Variants in C11orf16 observed in about 807,000 individuals in gnomAD.
C11orf16 encodes the protein uncharacterized protein C11orf16.
C11orf16 carries 38 observed loss-of-function variants against 45.1 expected under a neutral mutation model. The observed-to-expected ratio is 0.84, with a 90% CI of 0.65 to 1.10. The LOEUF is 1.10. C11orf16 is among the 50% of genes least tolerant of loss of function. The pLI, the probability that C11orf16 is intolerant of heterozygous loss-of-function variation, is 0.00. For synonymous variants in C11orf16, 221 were observed against 222.0 expected (o/e 1.00, Z 0.04); for missense variants, 583 against 569.5 (o/e 1.02, Z -0.24).
In C11orf16 at chr11:8,922,947, A is replaced by G. The variant is rs748950912; in HGVS notation, c.1205-1432T>C. On this transcript the variant is annotated intron_variant, in intron 5 of 6. Transcript: ENST00000326053. ...ACCCCCTCTCGGGCATGCTCTCCAT[A>G]TATTTGGGAACATACTGATGATGCT... 9.2e-5 allele frequency among the ~76,000 whole-genome samples: 14 copies of G among 152,098 alleles called. 1 individual carries two copies. Among genetic ancestry groups the G allele is most frequent in the South Asian group, 6.2e-4 (3 of 4,822 alleles).
chr11:8,927,500 T>C (rs2064622661), intron 3 of C11orf16: 1 of 427,376 alleles, frequency 2.3e-6, no homozygotes, highest in Non-Finnish European at 4.6e-6. Flanking sequence ...TGCCAGGAGT[T>C]ACCTGGGTCC....
At chr11:8,930,424 CAAAAAAAA>C (rs11303185) in intron 2 of C11orf16, among the ~76,000 whole-genome samples, 2 of 58,370 alleles carry the variant, frequency 3.4e-5, no homozygotes, top group African/African-American at 7.1e-5. Flanking sequence ...GACTCTGTCT[CAAAAAAAA>C]AAAAAAAAAA....
At chr11:8,928,376 C>T (rs922247687) in intron 3 of C11orf16, among the ~76,000 whole-genome samples, 5 of 152,036 alleles carry the variant, frequency 3.3e-5, no homozygotes, top group African/African-American at 1.2e-4. Flanking sequence ...CCCAGCATGG[C>T]GAGAGTGTGC....
At chr11:8,929,730 G>A (rs1434188041) in intron 2 of C11orf16, among the ~76,000 whole-genome samples, 197 bp from the exon 3 acceptor site, 1 of 152,250 alleles carries the variant, frequency 6.6e-6, no homozygotes, top group African/African-American at 2.4e-5. Flanking sequence ...AGAGGACAGT[G>A]AAGGGAACCA....
intron 3 of C11orf16, 129 bp downstream of exon 3, chr11:8,929,248 A>T (rs1421542000): frequency 5.2e-6 from 5 of 968,818 alleles, no homozygotes; most frequent in Admixed American, 2.8e-5. Flanking sequence ...TCACTTCTAC[A>T]ACATGGCCAT....
intron 4 of C11orf16, 38 bp from the exon 5 acceptor site, chr11:8,926,145 C>G: frequency 6.9e-7 from 1 of 1,440,442 alleles, no homozygotes. Context: ...GTTATAATTA[C>G]CAATTATCTC....
chr11:8,932,056 T>C (rs1287405900), intron 2 of C11orf16, 86 bp downstream of exon 2: 45 of 1,365,792 alleles, frequency 3.3e-5, no homozygotes, highest in Non-Finnish European at 4.3e-5. Flanking sequence ...GAAGCAAGTC[T>C]GTCCACCAAG....
rs1210624222 is a variant in C11orf16, at chr11:8,927,719, G to T, written c.325-545C>A. 8.8e-6 allele frequency: 4 copies of T among 454,320 alleles called. No homozygotes were observed. The Admixed American group carries it at 9.4e-5, about 11-fold the overall frequency. The allele number at this position is 454,320 out of a possible 1,614,324, so 28.1% of individuals were successfully genotyped here. A position where few individuals can be genotyped will look rare whatever the true frequency, so the allele number is the denominator to read the frequency against. On this transcript the variant is annotated intron_variant, in intron 3 of 6. Coordinates refer to ENST00000326053, the MANE Select transcript of C11orf16 (RefSeq NM_020643.3). ...CGAGGAAAGGGTTAGCTAAGCAAAT[G>T]AATAGCAAAAGTGAGAGAACAGTGC...
chr11:8,929,415 C>T lies in C11orf16; in HGVS notation c.286G>A (p.Gly96Ser). Residue 96 changes from glycine (G) to serine (S), a missense_variant, in exon 3 of 7, where the codon GGT becomes AGT. Gly to Ser is a moderately conservative substitution (Grantham distance 56, BLOSUM62 0). Coordinates refer to ENST00000326053, the MANE Select transcript of C11orf16 (RefSeq NM_020643.3). ...TWVLARREAD[G>S]FYYRAQIKAT... ...TTTATTTGGGCCCGGTAGTAAAAAC[C>T]ATCTGCTTCCCTTCTTGCTAGGACC... is the stretch of plus-strand genomic sequence containing the variant. 6.2e-7 allele frequency: 1 copy of T among 1,614,092 alleles called. No homozygotes were observed. The highest frequency in any genetic ancestry group is 8.5e-7 in the Non-Finnish European group (1 of 1,180,006).
At chr11:8,927,529 A>C in intron 3 of C11orf16, 2 of 447,664 alleles carry the variant, frequency 4.5e-6, no homozygotes, top group Non-Finnish European at 4.5e-6. Flanking sequence ...CCTTTTCTCA[A>C]TGCAATCTCC....
intron 3 of C11orf16, chr11:8,927,670 C>T (rs1223684517): frequency 2.2e-6 from 1 of 456,490 alleles, no homozygotes. Flanking sequence ...ACAGAGCTGC[C>T]CTCAGCACTG....
At chr11:8,920,985 G>A (rs1426207224) in intron 6 of C11orf16, among the ~76,000 whole-genome samples, 1 of 152,072 alleles carries the variant, frequency 6.6e-6, no homozygotes, top group Admixed American at 6.5e-5. Flanking sequence ...TAAAGTTTAA[G>A]TAGGGCTATA....
chr11:8,925,444 G>A lies in C11orf16; in HGVS notation c.1204+19C>T, dbSNP rs1203929192. On this transcript the variant is annotated intron_variant, in intron 5 of 6. Coordinates refer to ENST00000326053, the MANE Select transcript of C11orf16 (RefSeq NM_020643.3). ...CCCCAGCCCCTGCCTTAGAAAGCAA[G>A]CCCACTCCCCTGGTATACCTGGCTT... 6.2e-7 allele frequency: 1 copy of A among 1,601,074 alleles called. No homozygotes were observed. The highest frequency in any genetic ancestry group is 1.1e-5 in the South Asian group (1 of 90,092).
chr11:8,921,648 C>G, intron 5 of C11orf16, 133 bp from the exon 6 acceptor site: 1 of 875,416 alleles, frequency 1.1e-6, no homozygotes, highest in Non-Finnish European at 1.8e-6. Flanking sequence ...GTATTTGAGA[C>G]AGGGTCTTGC....
At position 8,922,310 on chromosome 11, in the gene C11orf16, C is replaced by T. The variant is rs558424116; in HGVS notation, c.1205-795G>A. The stretch of plus-strand genomic sequence containing the variant: ...ATTGCTTGAGCCCAGGAGTTTGAGG[C>T]TGCAGTGAGCTATGATCGTGCCACT... On this transcript the variant is annotated intron_variant, in intron 5 of 6. Transcript: ENST00000326053. 5.9e-5 allele frequency among the ~76,000 whole-genome samples: 9 copies of T among 152,170 alleles called. No individual in the cohort carries two copies. In the South Asian group the frequency reaches 6.2e-4, roughly 11 times the overall value.
intron 3 of C11orf16, 186 bp from the exon 4 acceptor site, chr11:8,927,360 T>A (rs981256998): frequency 1.7e-6 from 1 of 602,996 alleles, no homozygotes; most frequent in Admixed American, 2.8e-5. Flanking sequence ...GCAGGCTGTG[T>A]GGCACGGTTG....
At chr11:8,924,062 A>T (rs1376916872) in intron 5 of C11orf16, among the ~76,000 whole-genome samples, 7 of 152,004 alleles carry the variant, frequency 4.6e-5, no homozygotes, top group Admixed American at 4.6e-4. Flanking sequence ...CCTATGAGAG[A>T]TAGGGGAAAA....
At chr11:8,923,060 A>G (rs904729749) in intron 5 of C11orf16, among the ~76,000 whole-genome samples, 1 of 152,260 alleles carries the variant, frequency 6.6e-6, no homozygotes, top group Non-Finnish European at 1.5e-5. Flanking sequence ...TGAAGATACT[A>G]TAGTTATCTT....
chr11:8,931,323 A>G (rs1335172950), intron 2 of C11orf16, among the ~76,000 whole-genome samples: 1 of 151,620 alleles, frequency 6.6e-6, no homozygotes, highest in Non-Finnish European at 1.5e-5. Flanking sequence ...TCCCGAGTTC[A>G]AGCAATTTTC....
Sources: allele counts gnomAD v4.1 joint callset (sites outside exome capture counted in the v4.1 genomes callset), GRCh38; gene constraint gnomAD v4.1.1; transcripts MANE v1.5; gene names NCBI Gene and HGNC (gene_info 2026-07-23, HGNC 2026-07-21).